The following FANCC variants were observed in gnomAD, a reference collection of about 807,000 sequenced individuals.
FANCC encodes FA complementation group C.
Under a neutral mutation model 71.3 loss-of-function variants are expected in FANCC, and 55 were observed. That is an observed-to-expected ratio of 0.77 (90% CI 0.62 to 0.97). The LOEUF (loss-of-function observed/expected upper bound fraction) is 0.97. FANCC is among the 50% of genes least tolerant of loss of function. FANCC has a pLI of 0.00. For synonymous variants in FANCC, 275 were observed against 244.9 expected, an observed-to-expected ratio of 1.12 and a Z score of -1.15; for missense variants, 678 against 670.9, an observed-to-expected ratio of 1.01 and a Z score of -0.12.
rs763312565 is a variant in FANCC at position 95,107,365 on chromosome 9, C to T, written c.1330-96G>A. 43 of 1,346,756 alleles carry T rather than the reference C, an allele frequency of 3.2e-5. No individual in the cohort carries two copies. In the Middle Eastern group the frequency reaches 7.5e-4, roughly 23 times the overall value. 83.4% of individuals were successfully genotyped at this position (1,346,756 alleles called of 1,614,324 possible). A position where few individuals can be genotyped will look rare whatever the true frequency, so the allele number is the denominator to read the frequency against. On this transcript the variant is annotated intron_variant, in intron 13 of 14. Coordinates refer to ENST00000289081, the MANE Select transcript of FANCC (RefSeq NM_000136.3). ...TTTGCTTTGAAACAACCCCCAGAAA[C>T]GGGTAAGCACTGGCCCCTGAGAGAG...
intron 4 of FANCC, among the ~76,000 whole-genome samples, chr9:95,181,178 T>C (rs1316371390): frequency 1.3e-5 from 2 of 150,744 alleles, no homozygotes; most frequent in Admixed American, 6.6e-5. Context: ...TGTGTGTGTG[T>C]GTGTGTGTGT....
chr9:95,100,970 T>C lies in FANCC; in HGVS notation c.*737A>G. Reference sequence around the variant, plus strand: ...CAGGAATTTCCAATTCCCATTTCCATTTAACAAGAGAACTAACTAACTGAA... The same window carrying C: ...CAGGAATTTCCAATTCCCATTTCCACTTAACAAGAGAACTAACTAACTGAA... On this transcript the variant is annotated 3_prime_UTR_variant, in exon 15 of 15. Coordinates refer to ENST00000289081, the MANE Select transcript of FANCC (RefSeq NM_000136.3). The C allele has an allele frequency of 4.3e-6, 1 of 232,850 alleles. No homozygotes were observed. Among genetic ancestry groups the C allele is most frequent in the Non-Finnish European group, 8.5e-6 (1 of 118,084 alleles). The allele number at this position is 232,850 out of a possible 1,614,324, so 14.4% of individuals were successfully genotyped here.
chr9:95,224,325 C>T (rs533225642), intron 4 of FANCC, among the ~76,000 whole-genome samples: 2 of 152,236 alleles, frequency 1.3e-5, no homozygotes, highest in African/African-American at 2.4e-5. Context: ...TTTACGGACA[C>T]ATCTAGGCCC....
intron 4 of FANCC, among the ~76,000 whole-genome samples, chr9:95,221,306 ACCCTCTACT>A (rs1041754093): frequency 6.6e-5 from 10 of 152,166 alleles, no homozygotes; most frequent in Admixed American, 5.9e-4. Context: ...GGAAATCTAG[ACCCTCTACT>A]CCCACCTCAT....
intron 1 of FANCC, among the ~76,000 whole-genome samples, chr9:95,314,098 G>A (rs1040367428): frequency 6.6e-6 from 1 of 152,002 alleles, no homozygotes; most frequent in African/African-American, 2.4e-5. Context: ...AAATTAATCA[G>A]GCAAAAAAGA....
At chr9:95,307,981 G>A (rs1043643603) in intron 1 of FANCC, among the ~76,000 whole-genome samples, 4 of 152,258 alleles carry the variant, frequency 2.6e-5, no homozygotes, top group African/African-American at 9.6e-5. Context: ...CAGAGCACAA[G>A]AGGGCCAAAC....
chr9:95,205,447 G>A (rs907577481), intron 4 of FANCC, among the ~76,000 whole-genome samples: 1 of 151,788 alleles, frequency 6.6e-6, no homozygotes, highest in Non-Finnish European at 1.5e-5. Context: ...ATAATTTAAA[G>A]CAACAAGACA....
intron 1 of FANCC, among the ~76,000 whole-genome samples, chr9:95,260,625 C>CA: frequency 6.8e-6 from 1 of 148,128 alleles, no homozygotes; most frequent in East Asian, 2.0e-4. Flanking sequence ...ACCACCATGG[C>CA]ACGTGTATAC....
chr9:95,220,935 T>C (rs968789629), intron 4 of FANCC, among the ~76,000 whole-genome samples: 15 of 151,982 alleles, frequency 9.9e-5, no homozygotes, highest in African/African-American at 2.7e-4. Flanking sequence ...ACAAAGACTT[T>C]TAAAAAACTG....
intron 4 of FANCC, among the ~76,000 whole-genome samples, chr9:95,178,966 G>A (rs1158402246): frequency 6.6e-6 from 1 of 152,178 alleles, no homozygotes; most frequent in East Asian, 1.9e-4. Context: ...CAAATCTGTG[G>A]TGTTTTTAAC....
At chr9:95,184,507 A>G (rs937958861) in intron 4 of FANCC, among the ~76,000 whole-genome samples, 1 of 152,198 alleles carries the variant, frequency 6.6e-6, no homozygotes. Context: ...CAAGACAGCA[A>G]AGAAGATTCG....
chr9:95,206,862 G>A (rs2135843107), intron 4 of FANCC, among the ~76,000 whole-genome samples: 1 of 152,192 alleles, frequency 6.6e-6, no homozygotes, highest in East Asian at 1.9e-4. Context: ...TGTTCATGAT[G>A]ACAGTAATGG....
chr9:95,104,011 G>A (rs2071252857), intron 14 of FANCC, among the ~76,000 whole-genome samples: 1 of 152,172 alleles, frequency 6.6e-6, no homozygotes, highest in South Asian at 2.1e-4. Flanking sequence ...GCTAGGTCCT[G>A]AGGGTGGAGA....
intron 4 of FANCC, among the ~76,000 whole-genome samples, chr9:95,209,264 G>A (rs1828340651): frequency 6.6e-6 from 1 of 152,206 alleles, no homozygotes. Context: ...ATAATTTCTA[G>A]GGCAGTGAAA....
At chr9:95,151,617 G>A (rs1290219350) in intron 6 of FANCC, among the ~76,000 whole-genome samples, 2 of 152,160 alleles carry the variant, frequency 1.3e-5, no homozygotes, top group Non-Finnish European at 2.9e-5. Flanking sequence ...GCCCATGTGT[G>A]AGTATTTGCA....
intron 10 of FANCC, chr9:95,123,827 C>A: frequency 1.5e-6 from 1 of 669,628 alleles, no homozygotes; most frequent in Non-Finnish European, 2.8e-6. Flanking sequence ...CCAATTTAGA[C>A]CTGCGGATGC....
intron 4 of FANCC, among the ~76,000 whole-genome samples, chr9:95,227,092 T>G (rs1348717309): frequency 1.3e-5 from 2 of 152,156 alleles, no homozygotes; most frequent in African/African-American, 4.8e-5. Context: ...AACACTAATC[T>G]CCATCTCAAA....
At chr9:95,209,819 C>A (rs1262420170) in intron 4 of FANCC, among the ~76,000 whole-genome samples, 2 of 152,168 alleles carry the variant, frequency 1.3e-5, no homozygotes, top group Admixed American at 1.3e-4. Flanking sequence ...GCCTGGCCTA[C>A]TGCAATAACC....
At chr9:95,191,297 C>T (rs994068217) in intron 4 of FANCC, among the ~76,000 whole-genome samples, 4 of 150,956 alleles carry the variant, frequency 2.6e-5, no homozygotes, top group Non-Finnish European at 5.9e-5. Flanking sequence ...CCAGCCCAGC[C>T]CAGCCCAGCC....
Sources: gnomAD v4.1 joint callset for allele counts (sites outside exome capture counted in the v4.1 genomes callset) on GRCh38, gnomAD v4.1.1 for gene constraint, MANE v1.5 for transcripts, NCBI Gene and HGNC (gene_info 2026-07-23, HGNC 2026-07-21) for gene names.